The following ZNF132 variants were observed in gnomAD, a reference collection of about 807,000 sequenced individuals.
ZNF132 encodes the protein zinc finger protein 132.
ZNF132 carries 6 observed loss-of-function variants against 9.3 expected under a neutral mutation model. The ratio of observed to expected loss-of-function variants is 0.65; its 90% CI spans 0.35 to 1.28. The LOEUF (loss-of-function observed/expected upper bound fraction) is 1.28, where lower values mean the gene tolerates loss of function less well. ZNF132 is among the 50% of genes most tolerant of loss of function. The pLI is 0.03. For missense variants in ZNF132, 877 were observed against 843.2 expected, an observed-to-expected ratio of 1.04 and a Z score of -0.50; for synonymous variants, 296 against 292.0, an observed-to-expected ratio of 1.01 and a Z score of -0.14.
At position 58,437,085 on chromosome 19, in the gene ZNF132, CTG is replaced by C; in HGVS notation, c.192_193del (p.His64GlnfsTer8). On this transcript the variant is annotated frameshift_variant, in exon 2 of 3. Transcript: ENST00000254166. LOFTEE classifies it low-confidence loss of function (END_TRUNC). ...AAGCTCAAGGTTTTCCAGCATCACA[CTG>C]TGGTACAGGTGCCTCTGGGCTGCAT... The C allele has an allele frequency of 6.2e-7, 1 of 1,614,146 alleles. No homozygotes were observed. Among genetic ancestry groups the C allele is most frequent in the Non-Finnish European group, 8.5e-7 (1 of 1,180,012 alleles).
In ZNF132 at chr19:58,433,417, A is replaced by G; in HGVS notation, c.2027T>C (p.Val676Ala). Reference sequence around the variant, plus strand: ...CTCATAAGTCCTTTCTCTGGTGTGAACTTTCTGGTGCCGAACAAGTGTAGA... The same window carrying G: ...CTCATAAGTCCTTTCTCTGGTGTGAGCTTTCTGGTGCCGAACAAGTGTAGA... ...ERSTLVRHQK[V>A]HTRERTYECS... The change falls in exon 3 of 3, where the codon GTT (valine) becomes GCT (alanine). Residue 676 changes from valine to alanine, a missense_variant. Physicochemically the swap from Val to Ala is moderately conservative, Grantham distance 64. Coordinates refer to ENST00000254166, the MANE Select transcript of ZNF132 (RefSeq NM_003433.4). 6.2e-7 allele frequency: 1 copy of G among 1,614,154 alleles called. No individual in the cohort carries two copies. Among genetic ancestry groups the G allele is most frequent in the Non-Finnish European group, 8.5e-7 (1 of 1,180,018 alleles).
chr19:58,434,456 G>T lies in ZNF132; in HGVS notation c.988C>A (p.His330Asn), dbSNP rs1337292082. 14 of 1,614,086 alleles carry T rather than the reference G, an allele frequency of 8.7e-6. No homozygotes were observed. Among genetic ancestry groups the T allele is most frequent in the Non-Finnish European group, 1.2e-5 (14 of 1,180,058 alleles). The change falls in exon 3 of 3, where the codon CAC becomes AAC. Residue 330 changes from histidine to asparagine, a missense_variant. Physicochemically the swap from His to Asn is moderately conservative, Grantham distance 68 (BLOSUM62 1). Coordinates refer to ENST00000254166, the MANE Select transcript of ZNF132 (RefSeq NM_003433.4). The part of the protein sequence containing the change: ...ECIACGKTFN[H>N]KLTFVHHQRI... Reference sequence around the variant, plus strand: ...TGATGATGAACAAATGTGAGTTTGTGGTTGAAGGTTTTCCCACATGCAATG... The same window carrying T: ...TGATGATGAACAAATGTGAGTTTGTTGTTGAAGGTTTTCCCACATGCAATG...
intron 1 of ZNF132, chr19:58,437,700 A>G: frequency 1.0e-6 from 1 of 985,054 alleles, no homozygotes; most frequent in African/African-American, 1.7e-5. Context: ...CATTCTCCCT[A>G]GCATCTCACC....
Position 58,434,562 on chromosome 19 carries a change from C to T in ZNF132, c.882G>A (p.Lys294=). The change falls in exon 3 of 3, where the codon AAG becomes AAA. Residue 294 remains lysine, a synonymous_variant. Transcript: ENST00000254166. ...FHTGEIPHVC[K]ECGKAFSHSS... ...AGTGACTAAAGGCCTTCCCACACTC[C>T]TTACACACATGGGGTATTTCCCCAG... The T allele has an allele frequency of 1.2e-6, 2 of 1,614,108 alleles. No individual in the cohort carries two copies. Among genetic ancestry groups the T allele is most frequent in the Non-Finnish European group, 1.7e-6 (2 of 1,179,962 alleles).
In ZNF132 at chr19:58,435,013, C is replaced by T. The variant is rs1419286337; in HGVS notation, c.431G>A (p.Cys144Tyr). The T allele has an allele frequency of 1.2e-6, 2 of 1,614,188 alleles. No individual in the cohort carries two copies. Among genetic ancestry groups the T allele is most frequent in the Non-Finnish European group, 1.7e-6 (2 of 1,180,032 alleles). ...GTQSEEKPYT[C>Y]GACGRDFWLN... is the part of the protein sequence containing the mutation. ...CCAAAAGTCTCTCCCACATGCTCCACATGTGTAGGGTTTCTCCTCAGACTG... is the reference window on the plus strand; with the variant it reads ...CCAAAAGTCTCTCCCACATGCTCCATATGTGTAGGGTTTCTCCTCAGACTG... The change falls in exon 3 of 3, where the codon TGT (cysteine) becomes TAT (tyrosine). Residue 144 changes from cysteine (C) to tyrosine (Y), a missense_variant. Cys to Tyr is a radical substitution (Grantham distance 194). Coordinates refer to ENST00000254166, the MANE Select transcript of ZNF132 (RefSeq NM_003433.4).
chr19:58,433,180 G>T lies in ZNF132; in HGVS notation c.*143C>A. ...GAGATGGCCCTGCAAAGGTTCCTGG[G>T]CTGGTCAGAAACAGAGTAGCTTCTG... On this transcript the variant is annotated 3_prime_UTR_variant, in exon 3 of 3. Transcript: ENST00000254166. The T allele has an allele frequency of 1.2e-6, 1 of 850,616 alleles. No individual in the cohort carries two copies. The highest frequency in any genetic ancestry group is 1.8e-6 in the Non-Finnish European group (1 of 559,056). The allele number at this position is 850,616 out of a possible 1,614,324, so 52.7% of individuals were successfully genotyped here. A position where few individuals can be genotyped will look rare whatever the true frequency, so the allele number is the denominator to read the frequency against.
chr19:58,434,773 C>T lies in ZNF132; in HGVS notation c.671G>A (p.Gly224Glu). Residue 224 changes from glycine to glutamate, a missense_variant, in exon 3 of 3, where the codon GGG (glycine) becomes GAG (glutamate). Gly to Glu is a moderately conservative substitution (Grantham distance 98, BLOSUM62 -2). Transcript: ENST00000254166. ...TGTGGTACAGACTTCTGGAAGCTGC[C>T]CAAGATTGGAATATGGCTTCTGCCC... Reference protein sequence around the residue: ...DSGQKPYSNLGQLPEVCTTQK... With the variant: ...DSGQKPYSNLEQLPEVCTTQK... 6.2e-7 allele frequency: 1 copy of T among 1,614,160 alleles called. No individual in the cohort carries two copies. The highest frequency in any genetic ancestry group is 8.5e-7 in the Non-Finnish European group (1 of 1,180,040).
chr19:58,435,203 GC>G lies in ZNF132; in HGVS notation c.240del (p.Trp80CysfsTer4). On this transcript the variant is annotated frameshift_variant, in exon 3 of 3. Coordinates refer to ENST00000254166, the MANE Select transcript of ZNF132 (RefSeq NM_003433.4). LOFTEE classifies it low-confidence loss of function (END_TRUNC). ...TGGGCCCCCTCACCCTCTACTCCAT[GC>G]CAAGAACCTGAAAGTAGAGAAATGC... ...NLELVTSLGS[W>X]HGVEGEGAHP... 1 of 1,604,358 alleles carries G rather than the reference GC, an allele frequency of 6.2e-7. No homozygotes were observed. The highest frequency in any genetic ancestry group is 8.5e-7 in the Non-Finnish European group (1 of 1,174,610).
chr19:58,438,544 G>C (rs1197582408), intron 1 of ZNF132, among the ~76,000 whole-genome samples: 1 of 149,640 alleles, frequency 6.7e-6, no homozygotes, highest in Admixed American at 6.7e-5. Flanking sequence ...CGCGATCTTG[G>C]CTCACTGCAA....
chr19:58,436,972 G>T (rs935636888), intron 2 of ZNF132, 75 bp downstream of exon 2: 4 of 1,602,780 alleles, frequency 2.5e-6, no homozygotes, highest in Admixed American at 1.7e-5. Context: ...TCTGGCTTTG[G>T]GATGAACAGA....
Position 58,433,284 on chromosome 19 carries a change from G to A in ZNF132, c.*39C>T. ...CTGCTGCATGAAGTTTGACTTGGCTGAAGATTTTCTCACAAAGACCACTTC... is the reference window on the plus strand; with the variant it reads ...CTGCTGCATGAAGTTTGACTTGGCTAAAGATTTTCTCACAAAGACCACTTC... On this transcript the variant is annotated 3_prime_UTR_variant, in exon 3 of 3. Transcript: ENST00000254166. 5.1e-6 allele frequency: 8 copies of A among 1,571,376 alleles called. No homozygotes were observed. The highest frequency in any genetic ancestry group is 6.9e-6 in the Non-Finnish European group (8 of 1,157,388).
chr19:58,438,599 G>A (rs2052785519), intron 1 of ZNF132, among the ~76,000 whole-genome samples: 1 of 146,480 alleles, frequency 6.8e-6, no homozygotes, highest in Non-Finnish European at 1.5e-5. Flanking sequence ...TCAGCCTCCC[G>A]AGTAGCTGGG....
chr19:58,438,897 A>T (rs181415555), intron 1 of ZNF132, among the ~76,000 whole-genome samples: 1 of 151,928 alleles, frequency 6.6e-6, no homozygotes, highest in African/African-American at 2.4e-5. Flanking sequence ...CAGTTTCCCA[A>T]GTTGCTGGGA....
In ZNF132 at chr19:58,439,191, C is replaced by T. The variant is rs1212406727; in HGVS notation, c.63+568G>A. 2.6e-5 allele frequency among the ~76,000 whole-genome samples: 4 copies of T among 152,214 alleles called. No homozygotes were observed. The South Asian group carries it at 6.2e-4, about 24-fold the overall frequency. ...CCTACCTCCACGGGCACCCCTCTGT[C>T]CAGCTACCCAAAGCACACATCTGGA... On this transcript the variant is annotated intron_variant, in intron 1 of 2. Transcript: ENST00000254166.
intron 2 of ZNF132, among the ~76,000 whole-genome samples, chr19:58,436,073 G>A (rs2052771078): frequency 6.6e-6 from 1 of 152,164 alleles, no homozygotes; most frequent in Admixed American, 6.5e-5. Flanking sequence ...CATGCTAAGA[G>A]AAAGCCAGTC....
In ZNF132 at chr19:58,434,271, A is replaced by G; in HGVS notation, c.1173T>C (p.Leu391=). 2 of 1,614,024 alleles carry G rather than the reference A, an allele frequency of 1.2e-6. No homozygotes were observed. Among genetic ancestry groups the G allele is most frequent in the Non-Finnish European group, 1.7e-6 (2 of 1,180,002 alleles). Reference sequence around the variant, plus strand: ...CCTGTGTGTGAACTTTCTGATGCCGAAGGAAATTGGAGCTTTGGCTGAAGG... The same window carrying G: ...CCTGTGTGTGAACTTTCTGATGCCGGAGGAAATTGGAGCTTTGGCTGAAGG... The part of the protein sequence containing the change: ...GRAFSQSSNF[L]RHQKVHTQVR... Residue 391 remains leucine (L), a synonymous_variant, in exon 3 of 3, where the codon CTT becomes CTC. Transcript: ENST00000254166.
Position 58,437,136 on chromosome 19 carries a change from G to A in ZNF132, c.143C>T (p.Ser48Phe), listed in dbSNP as rs1019228148. 10 of 1,614,152 alleles carry A rather than the reference G, an allele frequency of 6.2e-6. No homozygotes were observed. Among genetic ancestry groups the A allele is most frequent in the Middle Eastern group, 1.6e-4 (1 of 6,062 alleles). The change falls in exon 2 of 3, where the codon TCC (serine) becomes TTC (phenylalanine). Residue 48 changes from serine (S) to phenylalanine (F), a missense_variant. By Grantham distance (155) the Ser-to-Phe change is radical (BLOSUM62 -2). Transcript: ENST00000254166. ...ATCAAGGAGCTCCCACTCCTCTTGG[G>A]AGAAGTATACAGCCACATCTTCAAA... ...VTFEDVAVYF[S>F]QEEWELLDAA...
At position 58,434,592 on chromosome 19, in the gene ZNF132, A is replaced by G; in HGVS notation, c.852T>C (p.Phe284=). Residue 284 remains phenylalanine, a synonymous_variant, in exon 3 of 3, where the codon TTT becomes TTC. Coordinates refer to ENST00000254166, the MANE Select transcript of ZNF132 (RefSeq NM_003433.4). The part of the protein sequence containing the change: ...EEKSILGNKK[F]HTGEIPHVCK... ...ACACATGGGGTATTTCCCCAGTGTG[A>G]AACTTTTTATTACCAAGGATTGATT... The G allele has an allele frequency of 6.2e-7, 1 of 1,614,020 alleles. No homozygotes were observed.
Position 58,439,961 on chromosome 19 carries a change from T to C in ZNF132, c.-140A>G, listed in dbSNP as rs2052793753. ...GCACCGCAGGGACGAAGGCTGGGTATGGAGACCCTGGAGACGCGTGGCGCT... is the reference window on the plus strand; with the variant it reads ...GCACCGCAGGGACGAAGGCTGGGTACGGAGACCCTGGAGACGCGTGGCGCT... On this transcript the variant is annotated 5_prime_UTR_variant, in exon 1 of 3. Transcript: ENST00000254166. 6 of 756,780 alleles carry C rather than the reference T, an allele frequency of 7.9e-6. No individual in the cohort carries two copies. In the African/African-American group the frequency reaches 1.1e-4, roughly 14 times the overall value. The allele number at this position is 756,780 out of a possible 1,614,324, so 46.9% of individuals were successfully genotyped here.
Sources: allele counts gnomAD v4.1 joint callset (sites outside exome capture counted in the v4.1 genomes callset), GRCh38; gene constraint gnomAD v4.1.1; transcripts MANE v1.5; gene names NCBI Gene and HGNC (gene_info 2026-07-23, HGNC 2026-07-21).